Variants in CRIPT observed in about 807,000 individuals in gnomAD.
CRIPT encodes cysteine-rich PDZ-binding protein.
CRIPT carries 20 observed loss-of-function variants against 16.6 expected under a neutral mutation model. The ratio of observed to expected loss-of-function variants is 1.20; its 90% CI spans 0.85 to 1.75. The LOEUF (loss-of-function observed/expected upper bound fraction) is 1.75, where lower values mean the gene tolerates loss of function less well. Among genes scored for constraint, CRIPT ranks in the 40% most tolerant of loss-of-function variants. The probability of loss-of-function intolerance (pLI) is 0.00; values close to 1 mark genes in which losing one functional copy is unlikely to be tolerated. For missense variants in CRIPT, 133 were observed against 115.3 expected, an observed-to-expected ratio of 1.15 and a Z score of -0.70; for synonymous variants, 42 against 37.0, an observed-to-expected ratio of 1.14 and a Z score of -0.49.
In CRIPT at chr2:46,626,838, T is replaced by C. The variant is rs1192784309; in HGVS notation, c.*2611T>C. 6.6e-6 allele frequency among the ~76,000 whole-genome samples: 1 copy of C among 152,140 alleles called. No homozygotes were observed. Among genetic ancestry groups the C allele is most frequent in the East Asian group, 1.9e-4 (1 of 5,202 alleles). On this transcript the variant is annotated 3_prime_UTR_variant, in exon 5 of 5. Coordinates refer to ENST00000238892, the MANE Select transcript of CRIPT (RefSeq NM_014171.6). ...GTTTGTGTGTGTGTATTTTTGTTTT[T>C]GTTTTTGTTTTGAGATGGAGTTTCA...
chr2:46,623,241 A>T (rs1489175669), intron 3 of CRIPT, among the ~76,000 whole-genome samples: 2 of 152,196 alleles, frequency 1.3e-5, no homozygotes, highest in Non-Finnish European at 2.9e-5. Flanking sequence ...GCTTTACATG[A>T]TTGTCGTCAC....
At chr2:46,623,163 A>T (rs931757871) in intron 3 of CRIPT, among the ~76,000 whole-genome samples, 2 of 152,342 alleles carry the variant, frequency 1.3e-5, no homozygotes, top group African/African-American at 4.8e-5. Context: ...ATTAAAGCGC[A>T]TAACTGTAGA....
intron 4 of CRIPT, 29 bp from the exon 5 acceptor site, chr2:46,624,134 G>T: frequency 6.7e-7 from 1 of 1,498,912 alleles, no homozygotes; most frequent in Non-Finnish European, 9.0e-7. Flanking sequence ...ATTATGATTT[G>T]ATTGATCACA....
chr2:46,625,628 T>G lies in CRIPT; in HGVS notation c.*1401T>G, dbSNP rs1357490300. 1 of 152,112 alleles carries G rather than the reference T, an allele frequency of 6.6e-6. No homozygotes were observed. The allele number at this position is 152,112 out of a possible 1,614,324, so 9.4% of individuals were successfully genotyped here. A position where few individuals can be genotyped will look rare whatever the true frequency, so the allele number is the denominator to read the frequency against. On this transcript the variant is annotated 3_prime_UTR_variant, in exon 5 of 5. Coordinates refer to ENST00000238892, the MANE Select transcript of CRIPT (RefSeq NM_014171.6). ...CATTTTGATGAAAAGCATTTAAAGT[T>G]TTAACTTTATAAGGCTTTTCAAAAT...
chr2:46,627,573 TA>T lies in CRIPT; in HGVS notation c.*3348del, dbSNP rs1445168838. ...ATTCTCATGCCTCAGCCTCCCAACCTAACTGGGATTACAGGCACATGCCACC... is the reference window on the plus strand; with the variant it reads ...ATTCTCATGCCTCAGCCTCCCAACCTACTGGGATTACAGGCACATGCCACC... On this transcript the variant is annotated 3_prime_UTR_variant, in exon 5 of 5. Transcript: ENST00000238892. Among the ~76,000 whole-genome samples the T allele has an allele frequency of 2.0e-5, 3 of 151,678 alleles. No individual in the cohort carries two copies. Among genetic ancestry groups the T allele is most frequent in the Non-Finnish European group, 1.5e-5 (1 of 67,922 alleles).
chr2:46,619,689 A>G lies in CRIPT; in HGVS notation c.137+8A>G. On this transcript the variant is annotated splice_region_variant and intron_variant, in intron 3 of 4. Transcript: ENST00000238892. ...GACTTCAAAAAAAGCAAGGTGGGTAAGAGGATCCATCGATGGGTCACATAA... is the reference window on the plus strand; with the variant it reads ...GACTTCAAAAAAAGCAAGGTGGGTAGGAGGATCCATCGATGGGTCACATAA... 1.2e-6 allele frequency: 2 copies of G among 1,607,998 alleles called. No individual in the cohort carries two copies. The highest frequency in any genetic ancestry group is 2.7e-5 in the African/African-American group (2 of 74,808).
chr2:46,619,365 A>G (rs1486503627), intron 2 of CRIPT, among the ~76,000 whole-genome samples: 1 of 151,866 alleles, frequency 6.6e-6, no homozygotes, highest in Non-Finnish European at 1.5e-5. Context: ...TCTAGATTTT[A>G]TGCTATATAG....
At chr2:46,623,217 A>G (rs1053927409) in intron 3 of CRIPT, among the ~76,000 whole-genome samples, 1 of 152,208 alleles carries the variant, frequency 6.6e-6, no homozygotes, top group Non-Finnish European at 1.5e-5. Context: ...TTGAGCATAA[A>G]TCGACTGATA....
intron 4 of CRIPT, 91 bp from the exon 5 acceptor site, chr2:46,624,072 G>A (rs1340347846): frequency 3.0e-6 from 2 of 668,200 alleles, no homozygotes; most frequent in Admixed American, 6.2e-5. Flanking sequence ...CTTTCCTGAT[G>A]CTGTTAAATT....
rs146798915 is a variant in CRIPT at position 46,617,702 on chromosome 2, C to G, written c.16+404C>G. On this transcript the variant is annotated intron_variant, in intron 1 of 4. Transcript: ENST00000238892. ...TAGAACCAAAGACTAAGGACTTTGC[C>G]TTATTCATTCTCATTAGTCATTATG... Among the ~76,000 whole-genome samples, 31 of 152,240 alleles carry G rather than the reference C, an allele frequency of 2.0e-4. 1 individual carries two copies. The highest frequency in any genetic ancestry group is 7.5e-4 in the African/African-American group (31 of 41,534).
intron 3 of CRIPT, among the ~76,000 whole-genome samples, chr2:46,621,110 G>C (rs895981019): frequency 1.1e-4 from 16 of 152,154 alleles, no homozygotes; most frequent in African/African-American, 3.9e-4. Flanking sequence ...TGCTTCTCTA[G>C]TTTCCCGCAG....
In CRIPT at chr2:46,624,855, G is replaced by A. The variant is rs542174111; in HGVS notation, c.*628G>A. ...ATCCATATGGCCAAATAAATACACT[G>A]AATTTTAGAAAAACATATTACTTTG... On this transcript the variant is annotated 3_prime_UTR_variant, in exon 5 of 5. Coordinates refer to ENST00000238892, the MANE Select transcript of CRIPT (RefSeq NM_014171.6). The A allele has an allele frequency of 6.6e-6, 1 of 152,078 alleles. No homozygotes were observed. Among genetic ancestry groups the A allele is most frequent in the Non-Finnish European group, 1.5e-5 (1 of 68,004 alleles). The allele number at this position is 152,078 out of a possible 1,614,324, so 9.4% of individuals were successfully genotyped here.
intron 3 of CRIPT, 131 bp from the exon 4 acceptor site, chr2:46,623,633 A>AC: frequency 1.7e-6 from 1 of 571,948 alleles, no homozygotes; most frequent in East Asian, 3.1e-5. Flanking sequence ...GGAATAGGCT[A>AC]AACCCATCAA....
In CRIPT at chr2:46,627,058, C is replaced by G. The variant is rs1670954781; in HGVS notation, c.*2831C>G. 6.6e-6 allele frequency among the ~76,000 whole-genome samples: 1 copy of G among 152,186 alleles called. No individual in the cohort carries two copies. Among genetic ancestry groups the G allele is most frequent in the Non-Finnish European group, 1.5e-5 (1 of 68,026 alleles). On this transcript the variant is annotated 3_prime_UTR_variant, in exon 5 of 5. Coordinates refer to ENST00000238892, the MANE Select transcript of CRIPT (RefSeq NM_014171.6). ...ATGTTGGCCAGCCTGGTCTCGAATT[C>G]CTGACCTCAGGTGATCCACCCATCT...
In CRIPT at chr2:46,629,152, G is replaced by A. The variant is rs781646558; in HGVS notation, c.*4925G>A. On this transcript the variant is annotated 3_prime_UTR_variant, in exon 5 of 5. Transcript: ENST00000238892. ...GAAAACACAGGAAGCTAATAGTACT[G>A]TTTTTCTCTGGAGTGGGTGTAAGGG... Among the ~76,000 whole-genome samples, 1 of 152,214 alleles carries A rather than the reference G, an allele frequency of 6.6e-6. No homozygotes were observed. Among genetic ancestry groups the A allele is most frequent in the Non-Finnish European group, 1.5e-5 (1 of 68,036 alleles).
intron 1 of CRIPT, 88 bp downstream of exon 1, chr2:46,617,386 TC>T: frequency 7.0e-7 from 1 of 1,436,258 alleles, no homozygotes; most frequent in East Asian, 2.5e-5. Flanking sequence ...CGTTGTTTTT[TC>T]TTCGCCCACA....
intron 3 of CRIPT, 22 bp from the exon 4 acceptor site, chr2:46,623,742 T>C: frequency 7.1e-7 from 1 of 1,414,684 alleles, no homozygotes; most frequent in Non-Finnish European, 9.9e-7. Context: ...TACAATTTTC[T>C]CTCTTTAAAA....
In CRIPT at chr2:46,626,200, C is replaced by G. The variant is rs1306899676; in HGVS notation, c.*1973C>G. On this transcript the variant is annotated 3_prime_UTR_variant, in exon 5 of 5. Transcript: ENST00000238892. ...GTGAGAACATGCGGTCTTTGGTTTTCTGTTCCTGTGTATATTCACTATAAT... is the reference window on the plus strand; with the variant it reads ...GTGAGAACATGCGGTCTTTGGTTTTGTGTTCCTGTGTATATTCACTATAAT... Among the ~76,000 whole-genome samples, 1 of 152,130 alleles carries G rather than the reference C, an allele frequency of 6.6e-6. No homozygotes were observed. The highest frequency in any genetic ancestry group is 1.9e-4 in the East Asian group (1 of 5,194).
chr2:46,617,268 C>G lies in CRIPT; in HGVS notation c.-15C>G. 1 of 1,554,566 alleles carries G rather than the reference C, an allele frequency of 6.4e-7. No homozygotes were observed. The highest frequency in any genetic ancestry group is 8.7e-7 in the Non-Finnish European group (1 of 1,148,084). On this transcript the variant is annotated 5_prime_UTR_variant, in exon 1 of 5. Transcript: ENST00000238892. ...GCTGCTGCTGTTGCGGCTAGGGGAA[C>G]CGTCGTGGGGAAGGATGGTGTGCGA...
Sources: allele counts gnomAD v4.1 joint callset (sites outside exome capture counted in the v4.1 genomes callset), GRCh38; gene constraint gnomAD v4.1.1; transcripts MANE v1.5; gene names NCBI Gene and HGNC (gene_info 2026-07-23, HGNC 2026-07-21).